Variants in AGAP1 observed in about 807,000 individuals in gnomAD.
AGAP1 encodes ArfGAP with GTPase domain, ankyrin repeat and PH domain 1, also known as arf-GAP with GTPase, ANK repeat and PH domain-containing protein 1.
A neutral mutation model predicts 105.3 loss-of-function variants in AGAP1; 29 were observed. The observed-to-expected ratio is 0.28, with a 90% CI of 0.21 to 0.38. The LOEUF (loss-of-function observed/expected upper bound fraction) is 0.38, where lower values mean the gene tolerates loss of function less well. AGAP1 is among the 10% of genes least tolerant of loss of function. AGAP1 has a pLI of 1.00. For synonymous variants in AGAP1, 509 were observed against 485.9 expected, an observed-to-expected ratio of 1.05 and a Z score of -0.63; for missense variants, 998 against 1,165.1, an observed-to-expected ratio of 0.86 and a Z score of 2.09.
rs776168696 is a variant in AGAP1, at chr2:235,660,339, C to G, written c.164-48840C>G. On this transcript the variant is annotated intron_variant, in intron 1 of 17. Transcript: ENST00000304032. This position sits in a 1 kb window ranked among gnomAD's most constrained non-coding sequence, Gnocchi z 5.3. ...TCCTGGGGGTTTAGTACAAGTTGAC[C>G]AACCTTCTTGTTGGTAACATGACTG... Among the ~76,000 whole-genome samples, 8 of 152,108 alleles carry G rather than the reference C, an allele frequency of 5.3e-5. No individual in the cohort carries two copies. Among genetic ancestry groups the G allele is most frequent in the Non-Finnish European group, 1.0e-4 (7 of 68,014 alleles).
rs1005102826 is a variant in AGAP1 at position 235,900,723 on chromosome 2, G to T, written c.1156-8015G>T. On this transcript the variant is annotated intron_variant, in intron 10 of 17. Transcript: ENST00000304032. This position sits in a 1 kb window ranked among gnomAD's most constrained non-coding sequence, Gnocchi z 5.5. The stretch of plus-strand genomic sequence containing the variant: ...AATCCAGCTGCTTCAGGATGATGGG[G>T]AACATGGTAAGACCAGTGAATTCCA... Among the ~76,000 whole-genome samples the T allele has an allele frequency of 6.6e-6, 1 of 152,144 alleles. No individual in the cohort carries two copies. The highest frequency in any genetic ancestry group is 2.4e-5 in the African/African-American group (1 of 41,428).
At position 235,968,531 on chromosome 2, in the gene AGAP1, CG is replaced by C. The variant is rs756591177; in HGVS notation, c.1554del (p.Ser521ProfsTer83). On this transcript the variant is annotated frameshift_variant, in exon 13 of 18. Coordinates refer to ENST00000304032, the MANE Select transcript of AGAP1 (RefSeq NM_001037131.3). LOFTEE classifies it high-confidence loss of function. ...AGCACCACCAGCCCCAAGCTCGACC[CG>C]CCCCCCTCCCCTCACGCCAACAGAA... The part of the protein sequence containing the change: ...ISSTTSPKLD[P>X]PPSPHANRKK... 1 of 647,836 alleles carries C rather than the reference CG, an allele frequency of 1.5e-6. No individual in the cohort carries two copies. Among genetic ancestry groups the C allele is most frequent in the Non-Finnish European group, 2.6e-6 (1 of 392,102 alleles). The allele number at this position is 647,836 out of a possible 1,614,324, so 40.1% of individuals were successfully genotyped here.
intron 1 of AGAP1, among the ~76,000 whole-genome samples, chr2:235,684,888 A>T (rs976662482): frequency 6.6e-6 from 1 of 152,170 alleles, no homozygotes; most frequent in Non-Finnish European, 1.5e-5. Flanking sequence ...ATCATGCTGT[A>T]CTGCTTACGG....
rs530550221 is a variant in AGAP1, at chr2:236,042,356, G to C, written c.1891+1515G>C. ...CGGCCTCTCTGGAAGCCTGTCCTGC[G>C]GGTGAGGGAAGGGGTTCTTCTCCAG... On this transcript the variant is annotated intron_variant, in intron 15 of 17. Transcript: ENST00000304032. This position sits in a 1 kb window ranked among gnomAD's most constrained non-coding sequence, Gnocchi z 5.6. Among the ~76,000 whole-genome samples, 1 of 152,196 alleles carries C rather than the reference G, an allele frequency of 6.6e-6. No individual in the cohort carries two copies. The highest frequency in any genetic ancestry group is 2.4e-5 in the African/African-American group (1 of 41,522).
At chr2:235,761,768 T>C (rs1460784105) in intron 6 of AGAP1, among the ~76,000 whole-genome samples, 1 of 151,248 alleles carries the variant, frequency 6.6e-6, no homozygotes, top group Non-Finnish European at 1.5e-5. Context: ...GTAGCTGATG[T>C]TTTCCAGTTA....
Position 236,080,226 on chromosome 2 carries a change from G to A in AGAP1, c.2114+30945G>A, listed in dbSNP as rs1047669850. Among the ~76,000 whole-genome samples the A allele has an allele frequency of 2.0e-5, 3 of 152,210 alleles. No individual in the cohort carries two copies. Among genetic ancestry groups the A allele is most frequent in the Admixed American group, 2.0e-4 (3 of 15,282 alleles). ...TCCTGTGCATGTTCTTGGAAAGATA[G>A]TTGGGAAAAAAGGCAGGCAGAGCCT... is the stretch of plus-strand genomic sequence containing the variant. On this transcript the variant is annotated intron_variant, in intron 16 of 17. Coordinates refer to ENST00000304032, the MANE Select transcript of AGAP1 (RefSeq NM_001037131.3). This position sits in a 1 kb window ranked among gnomAD's most constrained non-coding sequence, Gnocchi z 4.2.
chr2:236,004,917 G>T lies in AGAP1; in HGVS notation c.1646-31644G>T, dbSNP rs574448572. Among the ~76,000 whole-genome samples the T allele has an allele frequency of 3.3e-5, 5 of 152,254 alleles. No individual in the cohort carries two copies. In the South Asian group the frequency reaches 6.2e-4, roughly 19 times the overall value. ...TCAAATACTTCTAGCCTTTAACTTG[G>T]CAGTGTTACTCTTGGCATTTTATTC... On this transcript the variant is annotated intron_variant, in intron 13 of 17. Transcript: ENST00000304032.
intron 1 of AGAP1, among the ~76,000 whole-genome samples, chr2:235,648,609 C>T (rs2149318769): frequency 6.6e-6 from 1 of 151,484 alleles, no homozygotes; most frequent in South Asian, 2.1e-4. Flanking sequence ...CGCGGTGGCT[C>T]ATGCCTGTCA....
chr2:236,008,474 A>G (rs1253159428), intron 13 of AGAP1, among the ~76,000 whole-genome samples: 1 of 152,254 alleles, frequency 6.6e-6, no homozygotes, highest in African/African-American at 2.4e-5. Flanking sequence ...TCATGAAGTT[A>G]TACTCTACTT....
At chr2:235,803,305 C>T (rs1957676453) in intron 8 of AGAP1, among the ~76,000 whole-genome samples, 1 of 152,096 alleles carries the variant, frequency 6.6e-6, no homozygotes, top group African/African-American at 2.4e-5. Context: ...AAAAAGAAGG[C>T]AAATTAATTG....
At chr2:235,627,192 GTTTTTTTT>G (rs36086999) in intron 1 of AGAP1, among the ~76,000 whole-genome samples, 2 of 95,588 alleles carry the variant, frequency 2.1e-5, no homozygotes, top group Admixed American at 1.3e-4. Context: ...CTGTTTTGAG[GTTTTTTTT>G]TTTTTTTTTT....
At position 235,997,285 on chromosome 2, in the gene AGAP1, C is replaced by A. The variant is rs534776356; in HGVS notation, c.1645+28662C>A. 2.0e-5 allele frequency among the ~76,000 whole-genome samples: 3 copies of A among 152,310 alleles called. No homozygotes were observed. In the East Asian group the frequency reaches 5.8e-4, roughly 29 times the overall value. The stretch of plus-strand genomic sequence containing the variant: ...TGTATTTTTAGTAGAGATGGGGTTT[C>A]TCCATGTTGGTCAGGCTGGTCTCGA... On this transcript the variant is annotated intron_variant, in intron 13 of 17. Coordinates refer to ENST00000304032, the MANE Select transcript of AGAP1 (RefSeq NM_001037131.3).
In AGAP1 at chr2:235,777,500, G is replaced by T. The variant is rs894521772; in HGVS notation, c.674-20259G>T. On this transcript the variant is annotated intron_variant, in intron 6 of 17. Coordinates refer to ENST00000304032, the MANE Select transcript of AGAP1 (RefSeq NM_001037131.3). This position sits in a 1 kb window ranked among gnomAD's most constrained non-coding sequence, Gnocchi z 5.1. ...GTTATCAGCAGGCAGCCTTGCGTCT[G>T]CCTCTGGGAGCAGAAACCGTTGTTT... 6.6e-6 allele frequency among the ~76,000 whole-genome samples: 1 copy of T among 152,252 alleles called. No homozygotes were observed. The highest frequency in any genetic ancestry group is 1.5e-5 in the Non-Finnish European group (1 of 68,046).
In AGAP1 at chr2:235,931,012, A is replaced by G. The variant is rs1057230186; in HGVS notation, c.1483+89A>G. The G allele has an allele frequency of 1.1e-5, 16 of 1,460,716 alleles. No individual in the cohort carries two copies. In the African/African-American group the frequency reaches 1.7e-4, roughly 16 times the overall value. 90.5% of individuals were successfully genotyped at this position (1,460,716 alleles called of 1,614,324 possible). On this transcript the variant is annotated intron_variant, in intron 12 of 17. Transcript: ENST00000304032. This position sits in a 1 kb window ranked among gnomAD's most constrained non-coding sequence, Gnocchi z 5.6. ...GCTGGACAGGACGCCCTAAGCTCTC[A>G]TGCTCCTCTGGGAGCGCAGCACCCT...
Position 235,830,744 on chromosome 2 carries a change from TGCA to T in AGAP1, c.1050+23414_1050+23416del, listed in dbSNP as rs2106339868. ...AGTGTTCCTCACAGCAGGTGGAAAA[TGCA>T]TTTATAAGATATTTCTTCCTCGGAA... On this transcript the variant is annotated intron_variant, in intron 9 of 17. Coordinates refer to ENST00000304032, the MANE Select transcript of AGAP1 (RefSeq NM_001037131.3). This position sits in a 1 kb window ranked among gnomAD's most constrained non-coding sequence, Gnocchi z 5.5. Among the ~76,000 whole-genome samples the T allele has an allele frequency of 6.6e-6, 1 of 152,242 alleles. No homozygotes were observed. The highest frequency in any genetic ancestry group is 2.1e-4 in the South Asian group (1 of 4,812).
intron 1 of AGAP1, among the ~76,000 whole-genome samples, chr2:235,590,682 T>TGTGTGC (rs1406202926): frequency 1.3e-4 from 14 of 104,272 alleles, no homozygotes; most frequent in Non-Finnish European, 2.5e-4. Flanking sequence ...TGTGTGTGTG[T>TGTGTGC]GTGCGTGTGC....
intron 1 of AGAP1, among the ~76,000 whole-genome samples, chr2:235,514,746 A>C (rs1942309231): frequency 6.6e-6 from 1 of 152,254 alleles, no homozygotes; most frequent in East Asian, 1.9e-4. Context: ...CATGGGCTCA[A>C]GGTGCTCAGG....
At chr2:235,585,906 A>C (rs1237239961) in intron 1 of AGAP1, among the ~76,000 whole-genome samples, 3 of 152,144 alleles carry the variant, frequency 2.0e-5, no homozygotes, top group Non-Finnish European at 4.4e-5. Flanking sequence ...TGAGTTGTTA[A>C]AAACCCGGTG....
In AGAP1 at chr2:236,105,353, A is replaced by G. The variant is rs913648550; in HGVS notation, c.2115-14839A>G. ...CGGGGGACCAAGGACAGAGAGGAAG[A>G]CAAAGGCTCTGTGAGCTGTGCCTGC... On this transcript the variant is annotated intron_variant, in intron 16 of 17. Coordinates refer to ENST00000304032, the MANE Select transcript of AGAP1 (RefSeq NM_001037131.3). The surrounding 1 kb of genome is among the most constrained non-coding windows in gnomAD (Gnocchi z 4.2). 6.6e-6 allele frequency among the ~76,000 whole-genome samples: 1 copy of G among 152,030 alleles called. No individual in the cohort carries two copies. The highest frequency in any genetic ancestry group is 2.4e-5 in the African/African-American group (1 of 41,394).
Sources: gnomAD v4.1 joint callset for allele counts (sites outside exome capture counted in the v4.1 genomes callset) on GRCh38, gnomAD v4.1.1 for gene constraint, Gnocchi (gnomAD v3.1) non-coding constraint, MANE v1.5 for transcripts, NCBI Gene and HGNC (gene_info 2026-07-23, HGNC 2026-07-21) for gene names.